CSMD1: variants seen among roughly 807,000 people sequenced by gnomAD.
CSMD1 encodes CUB and sushi domain-containing protein 1.
Under a neutral mutation model 417.5 loss-of-function variants are expected in CSMD1, and 213 were observed. That is an observed-to-expected ratio of 0.51 (90% CI 0.46 to 0.57). The LOEUF (loss-of-function observed/expected upper bound fraction) is 0.57, where lower values mean the gene tolerates loss of function less well. CSMD1 is among the 20% of genes least tolerant of loss of function. The probability of loss-of-function intolerance (pLI) is 0.00; values close to 1 mark genes in which losing one functional copy is unlikely to be tolerated. For missense variants in CSMD1, 6,923 were observed against 4,529.7 expected, an observed-to-expected ratio of 1.53 and a Z score of -15.17; for synonymous variants, 2,862 against 1,736.8, an observed-to-expected ratio of 1.65 and a Z score of -16.11.
chr8:3,015,878 C>T lies in CSMD1; in HGVS notation c.8029+2599G>A, dbSNP rs12114961. Among the ~76,000 whole-genome samples, 508 of 152,208 alleles carry T rather than the reference C, an allele frequency of 3.3e-3. 2 individuals are homozygous for T. Among genetic ancestry groups the T allele is most frequent in the African/African-American group, 0.011 (475 of 41,546 alleles). On this transcript the variant is annotated intron_variant, in intron 52 of 69. Transcript: ENST00000635120. ...CATCCTGGCAGTACAGGATGAAGGA[C>T]ACAATTAGCCAGGCAGAACTAAGGC...
At chr8:4,847,150 G>A (rs1801190973) in intron 1 of CSMD1, among the ~76,000 whole-genome samples, 1 of 152,114 alleles carries the variant, frequency 6.6e-6, no homozygotes, top group Non-Finnish European at 1.5e-5. Flanking sequence ...GTTTCTGAAT[G>A]CCACTCTCTC....
chr8:4,239,672 T>C (rs1017249563), intron 3 of CSMD1, among the ~76,000 whole-genome samples: 4 of 152,154 alleles, frequency 2.6e-5, no homozygotes, highest in Admixed American at 1.3e-4. Context: ...CATTGCATTA[T>C]GTTGGGTGGC....
intron 8 of CSMD1, among the ~76,000 whole-genome samples, chr8:3,612,996 T>C (rs1044918377): frequency 2.0e-5 from 3 of 151,926 alleles, no homozygotes; most frequent in Admixed American, 6.6e-5. Context: ...GTAAATTGTA[T>C]TTTTTTGAGA....
chr8:4,396,601 A>C lies in CSMD1; in HGVS notation c.415+23352T>G, dbSNP rs186553744. Reference sequence around the variant, plus strand: ...TAAATGCCCATCAAGCAATGAGTGCATAAGGAAAATGTGATACACACACAC... The same window carrying C: ...TAAATGCCCATCAAGCAATGAGTGCCTAAGGAAAATGTGATACACACACAC... On this transcript the variant is annotated intron_variant, in intron 3 of 69. Coordinates refer to ENST00000635120, the MANE Select transcript of CSMD1 (RefSeq NM_033225.6). 2.5e-3 allele frequency among the ~76,000 whole-genome samples: 380 copies of C among 150,620 alleles called. 2 individuals are homozygous for C. The highest frequency in any genetic ancestry group is 4.1e-3 in the Non-Finnish European group (279 of 67,888).
chr8:4,017,693 T>G (rs188797824), intron 4 of CSMD1, among the ~76,000 whole-genome samples: 1 of 152,296 alleles, frequency 6.6e-6, no homozygotes, highest in East Asian at 1.9e-4. Flanking sequence ...CTTCAAAAAC[T>G]GCATGGTCAC....
chr8:3,920,785 C>G (rs943281349), intron 5 of CSMD1, among the ~76,000 whole-genome samples: 1 of 151,966 alleles, frequency 6.6e-6, no homozygotes, highest in African/African-American at 2.4e-5. Flanking sequence ...TATTGATTTG[C>G]GTATGTTAAA....
chr8:4,333,981 T>C (rs1171737260), intron 3 of CSMD1, among the ~76,000 whole-genome samples: 5 of 152,084 alleles, frequency 3.3e-5, no homozygotes, highest in Non-Finnish European at 7.4e-5. Context: ...AGTCTTAATG[T>C]TCTGCCTCAA....
At chr8:4,414,598 A>T (rs1354429841) in intron 3 of CSMD1, among the ~76,000 whole-genome samples, 1 of 152,098 alleles carries the variant, frequency 6.6e-6, no homozygotes, top group Non-Finnish European at 1.5e-5. Flanking sequence ...CAATTCAGTG[A>T]TTTTTTTTAA....
intron 1 of CSMD1, among the ~76,000 whole-genome samples, chr8:4,965,023 G>A (rs1809767906): frequency 1.3e-5 from 2 of 152,056 alleles, no homozygotes; most frequent in African/African-American, 2.4e-5. Context: ...TCCACAATAT[G>A]CACGTTGCTT....
chr8:3,564,021 T>G (rs985359184), intron 10 of CSMD1, among the ~76,000 whole-genome samples: 2 of 152,216 alleles, frequency 1.3e-5, no homozygotes, highest in African/African-American at 4.8e-5. Flanking sequence ...ACTTTTATTT[T>G]GATTTGTAGT....
At chr8:3,123,164 G>A (rs189360908) in intron 41 of CSMD1, among the ~76,000 whole-genome samples, 31 of 152,304 alleles carry the variant, frequency 2.0e-4, no homozygotes, top group Admixed American at 5.9e-4. Context: ...CAGAAAGCCA[G>A]GCCAAATCAG....
At chr8:3,294,821 A>C (rs1451529975) in intron 25 of CSMD1, among the ~76,000 whole-genome samples, 2 of 151,972 alleles carry the variant, frequency 1.3e-5, no homozygotes, top group Non-Finnish European at 2.9e-5. Flanking sequence ...GGTGGGCTGC[A>C]CCCATTGTCC....
At chr8:3,675,198 G>T (rs983486457) in intron 7 of CSMD1, among the ~76,000 whole-genome samples, 3 of 152,076 alleles carry the variant, frequency 2.0e-5, no homozygotes, top group Admixed American at 2.0e-4. Context: ...TCTCCTCACA[G>T]AAGGCCTGAC....
chr8:3,568,029 C>G (rs1321729700), intron 10 of CSMD1, among the ~76,000 whole-genome samples: 1 of 152,056 alleles, frequency 6.6e-6, no homozygotes, highest in Non-Finnish European at 1.5e-5. Context: ...CTGACAGAAG[C>G]CACTATTAGA....
chr8:3,374,320 T>A (rs79838345), intron 18 of CSMD1, among the ~76,000 whole-genome samples: 1 of 152,110 alleles, frequency 6.6e-6, no homozygotes, highest in Non-Finnish European at 1.5e-5. Flanking sequence ...ATCTATCCCA[T>A]CCTGCATTTA....
intron 63 of CSMD1, among the ~76,000 whole-genome samples, chr8:2,956,389 G>C (rs892566440): frequency 6.6e-6 from 1 of 151,864 alleles, no homozygotes; most frequent in East Asian, 1.9e-4. Context: ...TTGCATACAT[G>C]CTGCAAATAA....
intron 7 of CSMD1, among the ~76,000 whole-genome samples, chr8:3,694,277 T>C (rs73497641): frequency 0.067 from 10,207 of 151,712 alleles, 1,132 homozygotes; most frequent in African/African-American, 0.23. Flanking sequence ...TGCTCAGGGG[T>C]CCACACCTCA....
At chr8:4,933,744 A>G (rs1469243178) in intron 1 of CSMD1, among the ~76,000 whole-genome samples, 2 of 152,166 alleles carry the variant, frequency 1.3e-5, no homozygotes, top group African/African-American at 2.4e-5. Context: ...AAGATATACT[A>G]ACTTATAACT....
At chr8:3,987,365 T>G (rs1214828148) in intron 5 of CSMD1, among the ~76,000 whole-genome samples, 1 of 152,234 alleles carries the variant, frequency 6.6e-6, no homozygotes, top group African/African-American at 2.4e-5. Flanking sequence ...ATTGCTTATT[T>G]GTTGTTTATC....
Sources: allele counts gnomAD v4.1 joint callset (sites outside exome capture counted in the v4.1 genomes callset), GRCh38; gene constraint gnomAD v4.1.1; transcripts MANE v1.5; gene names NCBI Gene and HGNC (gene_info 2026-07-23, HGNC 2026-07-21).